Variants in MTMR7 observed in about 807,000 individuals in gnomAD.
MTMR7 encodes phosphatidylinositol-3-phosphate phosphatase MTMR7.
Under a neutral mutation model 81.2 loss-of-function variants are expected in MTMR7, and 76 were observed. That is an observed-to-expected ratio of 0.94 (90% CI 0.78 to 1.13). The LOEUF is 1.13. Ranked by LOEUF, MTMR7 falls within the 50% of genes most tolerant of loss-of-function variation. The pLI is 0.00. For missense variants in MTMR7, 1,044 were observed against 820.0 expected (o/e 1.27, Z -3.34); for synonymous variants, 372 against 289.8 (o/e 1.28, Z -2.88).
At position 17,349,017 on chromosome 8, in the gene MTMR7, C is replaced by A. The variant is rs764961795; in HGVS notation, c.533G>T (p.Gly178Val). The change falls in exon 5 of 14, where the codon GGG becomes GTG. Residue 178 changes from glycine (G) to valine (V), a missense_variant. Gly to Val is a moderately radical substitution (Grantham distance 109). Coordinates refer to ENST00000180173, the MANE Select transcript of MTMR7 (RefSeq NM_004686.5). ...CCGTCTACTCCGGAATTTGGAACTC[C>A]CCACTATGATGTGTGCCGTGGCCGA... ...PKSATAHIIV[G>V]SSKFRSRRRF... 6.2e-7 allele frequency: 1 copy of A among 1,612,988 alleles called. No individual in the cohort carries two copies. The highest frequency in any genetic ancestry group is 1.3e-5 in the African/African-American group (1 of 74,516).
Position 17,305,923 on chromosome 8 carries a change from A to C in MTMR7, c.1186T>G (p.Ser396Ala). The change falls in exon 11 of 14, where the codon TCT becomes GCT. Residue 396 changes from serine (S) to alanine (A), a missense_variant. Ser to Ala is a moderately conservative substitution (Grantham distance 99). Transcript: ENST00000180173. ...GNLDGDPKEI[S>A]PVIDQFIECV... ...TCAATGAACTGGTCAATAACTGGAG[A>C]GATTTCTTTTGGGTCACCATCTAGA... The C allele has an allele frequency of 6.2e-7, 1 of 1,613,612 alleles. No homozygotes were observed. The highest frequency in any genetic ancestry group is 1.1e-5 in the South Asian group (1 of 91,028).
intron 1 of MTMR7, among the ~76,000 whole-genome samples, chr8:17,399,314 C>T (rs1174780546): frequency 2.0e-5 from 3 of 152,070 alleles, no homozygotes; most frequent in Non-Finnish European, 4.4e-5. Context: ...ATACGAAAAA[C>T]AGTAGCGTTC....
chr8:17,335,994 G>A (rs934766958), intron 6 of MTMR7, among the ~76,000 whole-genome samples: 4 of 152,134 alleles, frequency 2.6e-5, no homozygotes, highest in Non-Finnish European at 2.9e-5. Flanking sequence ...GTGCAGAGGA[G>A]GGAGAAGAGA....
At chr8:17,385,758 A>G (rs1820918854) in intron 1 of MTMR7, among the ~76,000 whole-genome samples, 1 of 152,102 alleles carries the variant, frequency 6.6e-6, no homozygotes, top group African/African-American at 2.4e-5. Context: ...ACCATGTAAG[A>G]AGTATCTGCT....
intron 4 of MTMR7, among the ~76,000 whole-genome samples, chr8:17,357,667 T>A (rs529305470): frequency 6.6e-6 from 1 of 152,340 alleles, no homozygotes; most frequent in East Asian, 1.9e-4. Flanking sequence ...TGACATTAAG[T>A]GAGGCCTTCC....
intron 1 of MTMR7, among the ~76,000 whole-genome samples, chr8:17,376,125 C>A (rs565591472): frequency 6.6e-6 from 1 of 152,212 alleles, no homozygotes; most frequent in African/African-American, 2.4e-5. Context: ...TACCCTCTGT[C>A]TCTATAGATT....
intron 1 of MTMR7, among the ~76,000 whole-genome samples, chr8:17,387,083 C>T (rs1345113008): frequency 6.6e-6 from 1 of 152,224 alleles, no homozygotes; most frequent in East Asian, 1.9e-4. Flanking sequence ...AAACAGGTTC[C>T]TCCTTTCATT....
chr8:17,391,502 T>G (rs1042736865), intron 1 of MTMR7, among the ~76,000 whole-genome samples: 6 of 152,178 alleles, frequency 3.9e-5, no homozygotes, highest in African/African-American at 1.4e-4. Flanking sequence ...AAAACTGGCA[T>G]AGAGAAAGCA....
chr8:17,332,329 T>G (rs1038521355), intron 6 of MTMR7, among the ~76,000 whole-genome samples: 5 of 152,172 alleles, frequency 3.3e-5, no homozygotes, highest in African/African-American at 1.2e-4. Flanking sequence ...ACAGATCTCC[T>G]AAAAGTCTGA....
At chr8:17,385,498 A>G (rs1229910163) in intron 1 of MTMR7, among the ~76,000 whole-genome samples, 1 of 152,160 alleles carries the variant, frequency 6.6e-6, no homozygotes, top group Non-Finnish European at 1.5e-5. Context: ...CTTGCCCACC[A>G]CCACGTAAGA....
intron 13 of MTMR7, among the ~76,000 whole-genome samples, chr8:17,300,569 A>C (rs1817045844): frequency 6.6e-6 from 1 of 152,240 alleles, no homozygotes; most frequent in Non-Finnish European, 1.5e-5. Flanking sequence ...CATTTTTTAG[A>C]AATCATGAAT....
At chr8:17,332,288 TTTAAAG>T (rs1270088361) in intron 6 of MTMR7, among the ~76,000 whole-genome samples, 3 of 152,112 alleles carry the variant, frequency 2.0e-5, no homozygotes, top group African/African-American at 7.2e-5. Context: ...AAGAGCTAAG[TTTAAAG>T]TTAAAGACAC....
intron 1 of MTMR7, among the ~76,000 whole-genome samples, chr8:17,401,653 A>G (rs1821432674): frequency 1.3e-5 from 2 of 152,160 alleles, no homozygotes; most frequent in South Asian, 2.1e-4. Flanking sequence ...ATATATTTTA[A>G]AAGTAGAGTG....
At chr8:17,316,647 T>A (rs1167531452) in intron 7 of MTMR7, among the ~76,000 whole-genome samples, 1 of 151,782 alleles carries the variant, frequency 6.6e-6, no homozygotes, top group Non-Finnish European at 1.5e-5. Flanking sequence ...CACAAATATT[T>A]GAAAAAAATA....
intron 7 of MTMR7, among the ~76,000 whole-genome samples, chr8:17,322,385 C>T (rs371870829): frequency 5.9e-5 from 9 of 152,248 alleles, no homozygotes; most frequent in Admixed American, 2.6e-4. Flanking sequence ...GAATAATGTG[C>T]TATTAGTATA....
chr8:17,368,774 C>A (rs1343456339), intron 3 of MTMR7, among the ~76,000 whole-genome samples: 1 of 152,148 alleles, frequency 6.6e-6, no homozygotes, highest in African/African-American at 2.4e-5. Context: ...TTTCTAATGC[C>A]CATGTTTCAA....
rs374916519 is a variant in MTMR7 at position 17,359,326 on chromosome 8, G to A, written c.468+1791C>T. Among the ~76,000 whole-genome samples the A allele has an allele frequency of 4.3e-4, 66 of 152,178 alleles. No individual in the cohort carries two copies. In the East Asian group the frequency reaches 8.1e-3, roughly 19 times the overall value. ...GTAGCAAATCCTCGTGAAACTGGGC[G>A]AGATGACTCACACATAATTATAGCA... is the stretch of plus-strand genomic sequence containing the variant. On this transcript the variant is annotated intron_variant, in intron 4 of 13. Transcript: ENST00000180173.
chr8:17,354,883 C>A (rs759670080), intron 4 of MTMR7, among the ~76,000 whole-genome samples: 1 of 152,140 alleles, frequency 6.6e-6, no homozygotes, highest in Non-Finnish European at 1.5e-5. Flanking sequence ...CCTCCCATTT[C>A]GGTGATATTT....
chr8:17,313,698 A>G (rs549994525), intron 7 of MTMR7, among the ~76,000 whole-genome samples: 1 of 152,320 alleles, frequency 6.6e-6, no homozygotes, highest in East Asian at 1.9e-4. Flanking sequence ...TCTGGCAGAA[A>G]ATATCGATTT....
Sources: gnomAD v4.1 joint callset for allele counts (sites outside exome capture counted in the v4.1 genomes callset) on GRCh38, gnomAD v4.1.1 for gene constraint, MANE v1.5 for transcripts, NCBI Gene and HGNC (gene_info 2026-07-23, HGNC 2026-07-21) for gene names.